The following SMAD3 variants were observed in gnomAD, a reference collection of about 807,000 sequenced individuals.
SMAD3 encodes the protein MAD homolog 3.
SMAD3 carries 12 observed loss-of-function variants against 51.8 expected under a neutral mutation model. The ratio of observed to expected loss-of-function variants is 0.23; its 90% CI spans 0.15 to 0.38. SMAD3 has a LOEUF of 0.38. Among genes scored for constraint, SMAD3 ranks in the 10% least tolerant of loss-of-function variants. SMAD3 has a pLI of 1.00. For missense variants in SMAD3, 294 were observed against 565.6 expected, an observed-to-expected ratio of 0.52 and a Z score of 4.87; for synonymous variants, 238 against 227.7, an observed-to-expected ratio of 1.05 and a Z score of -0.41.
intron 1 of SMAD3, among the ~76,000 whole-genome samples, chr15:67,086,824 T>G (rs1399369432): frequency 6.6e-6 from 1 of 151,498 alleles, no homozygotes; most frequent in Admixed American, 6.6e-5. Context: ...GACACATGGA[T>G]CAAGGAACGT....
intron 1 of SMAD3, among the ~76,000 whole-genome samples, chr15:67,162,609 C>T (rs778587372): frequency 1.5e-4 from 23 of 152,110 alleles, no homozygotes; most frequent in Non-Finnish European, 3.4e-4. Flanking sequence ...CTGCAGAGTA[C>T]CCCTGCCTGC....
chr15:67,129,727 G>A (rs760257208), intron 1 of SMAD3, among the ~76,000 whole-genome samples: 4 of 152,156 alleles, frequency 2.6e-5, no homozygotes, highest in Admixed American at 6.5e-5. Flanking sequence ...ACTATATCTT[G>A]TTTAATACAG....
rs576177919 is a variant in SMAD3 at position 67,184,661 on chromosome 15, A to T, written c.872-66A>T. 3.2e-6 allele frequency: 5 copies of T among 1,577,352 alleles called. No homozygotes were observed. The Admixed American group carries it at 8.3e-5, about 26-fold the overall frequency. Reference sequence around the variant, plus strand: ...CTGTTCTGCCTCCTTTGCGAGCCTCAGGTGGCCCCAGGGCCATTGTGTGTG... The same window carrying T: ...CTGTTCTGCCTCCTTTGCGAGCCTCTGGTGGCCCCAGGGCCATTGTGTGTG... On this transcript the variant is annotated intron_variant, in intron 6 of 8. Transcript: ENST00000327367.
intron 1 of SMAD3, among the ~76,000 whole-genome samples, chr15:67,110,232 C>T (rs1366428686): frequency 6.6e-6 from 1 of 152,124 alleles, no homozygotes; most frequent in East Asian, 1.9e-4. Flanking sequence ...GGGGATACGA[C>T]TCAAACTCAC....
chr15:67,120,963 C>G (rs1461731908), intron 1 of SMAD3, among the ~76,000 whole-genome samples: 1 of 152,178 alleles, frequency 6.6e-6, no homozygotes, highest in Non-Finnish European at 1.5e-5. Context: ...AGCCAAAACA[C>G]CGGACACCCC....
intron 1 of SMAD3, among the ~76,000 whole-genome samples, chr15:67,107,972 C>T (rs541983896): frequency 7.2e-6 from 1 of 138,820 alleles, no homozygotes; most frequent in Admixed American, 7.2e-5. Flanking sequence ...CTCTCCCCCC[C>T]ACCCCCCCAC....
chr15:67,079,709 A>T (rs998987096), intron 1 of SMAD3, among the ~76,000 whole-genome samples: 2 of 152,146 alleles, frequency 1.3e-5, no homozygotes, highest in African/African-American at 4.8e-5. Context: ...TTTACAGAGG[A>T]GGAGGCTGAA....
At chr15:67,134,939 T>A (rs1342236483) in intron 1 of SMAD3, among the ~76,000 whole-genome samples, 1 of 151,810 alleles carries the variant, frequency 6.6e-6, no homozygotes, top group African/African-American at 2.4e-5. Context: ...CACTGAGGGG[T>A]GGGGCTGGGA....
intron 1 of SMAD3, among the ~76,000 whole-genome samples, chr15:67,083,542 G>A (rs1172436945): frequency 6.6e-6 from 1 of 152,258 alleles, no homozygotes; most frequent in African/African-American, 2.4e-5. Flanking sequence ...TAACTTCAAC[G>A]ATGAGAAAAT....
intron 1 of SMAD3, among the ~76,000 whole-genome samples, chr15:67,080,545 A>C (rs1049731882): frequency 6.6e-6 from 1 of 152,222 alleles, no homozygotes; most frequent in African/African-American, 2.4e-5. Flanking sequence ...TTTAATGGCC[A>C]AGAGCAGAGA....
intron 1 of SMAD3, among the ~76,000 whole-genome samples, chr15:67,142,253 GT>G (rs983026237): frequency 1.4e-3 from 194 of 140,714 alleles, no homozygotes; most frequent in East Asian, 2.4e-3. Context: ...TAATAGCTAG[GT>G]TTTTTTTTTC....
At chr15:67,153,772 G>T (rs1962210934) in intron 1 of SMAD3, among the ~76,000 whole-genome samples, 1 of 152,166 alleles carries the variant, frequency 6.6e-6, no homozygotes, top group African/African-American at 2.4e-5. Context: ...CATCAGTAGT[G>T]CCAACGTTGA....
At chr15:67,146,774 G>T in intron 1 of SMAD3, 1 of 152,132 alleles carries the variant, frequency 6.6e-6, no homozygotes, top group African/African-American at 2.4e-5. Context: ...GACAAAGTTG[G>T]GTCAGTGTTT....
chr15:67,166,789 C>G lies in SMAD3; in HGVS notation c.543C>G (p.Pro181=). 1 of 1,593,592 alleles carries G rather than the reference C, an allele frequency of 6.3e-7. No homozygotes were observed. Among genetic ancestry groups the G allele is most frequent in the Non-Finnish European group, 8.6e-7 (1 of 1,169,502 alleles). The part of the protein sequence containing the change: ...EPQSNIPETP[P]PGYLSEDGET... ...CCTTCTGATTCCCAGAGACCCCACC[C>G]CCTGGCTACCTGAGTGAAGATGGAG... The change falls in exon 4 of 9, where the codon CCC becomes CCG. Residue 181 remains proline (P), a synonymous_variant. Transcript: ENST00000327367.
chr15:67,164,837 G>A (rs1962530999), intron 1 of SMAD3, 58 bp from the exon 2 acceptor site: 1 of 1,577,322 alleles, frequency 6.3e-7, no homozygotes, highest in South Asian at 1.1e-5. Flanking sequence ...GCCGGACTCT[G>A]CAGAAAGCAA....
At chr15:67,142,752 T>G in intron 1 of SMAD3, 1 of 399,134 alleles carries the variant, frequency 2.5e-6, no homozygotes, top group Non-Finnish European at 5.1e-6. Flanking sequence ...AGTGGAGATA[T>G]ATTGATCTCA....
intron 3 of SMAD3, 57 bp from the exon 4 acceptor site, chr15:67,166,722 G>T: frequency 8.4e-7 from 1 of 1,187,162 alleles, no homozygotes; most frequent in Non-Finnish European, 1.2e-6. Flanking sequence ...TGCAAAAGGT[G>T]TCTCAGAGCC....
Position 67,192,571 on chromosome 15 carries a change from G to A in SMAD3, c.*2035G>A. 1 of 233,322 alleles carries A rather than the reference G, an allele frequency of 4.3e-6. No homozygotes were observed. The highest frequency in any genetic ancestry group is 6.0e-5 in the East Asian group (1 of 16,702). 14.5% of individuals were successfully genotyped at this position (233,322 alleles called of 1,614,324 possible). A position where few individuals can be genotyped will look rare whatever the true frequency, so the allele number is the denominator to read the frequency against. On this transcript the variant is annotated 3_prime_UTR_variant, in exon 9 of 9. Coordinates refer to ENST00000327367, the MANE Select transcript of SMAD3 (RefSeq NM_005902.4). ...ATATTCCATTTTGGCTTCTGCTAGA[G>A]CAGTCATGGTTCCTCTCCTAAAAGC...
At chr15:67,129,257 C>T (rs1961465135) in intron 1 of SMAD3, among the ~76,000 whole-genome samples, 1 of 152,168 alleles carries the variant, frequency 6.6e-6, no homozygotes, top group Admixed American at 6.5e-5. Flanking sequence ...AATAGCCAAG[C>T]AGTAACTCAG....
Sources: gnomAD v4.1 joint callset for allele counts (sites outside exome capture counted in the v4.1 genomes callset) on GRCh38, gnomAD v4.1.1 for gene constraint, MANE v1.5 for transcripts, NCBI Gene and HGNC (gene_info 2026-07-23, HGNC 2026-07-21) for gene names.